The following STAB2 variants were observed in gnomAD, a reference collection of about 807,000 sequenced individuals.
STAB2 encodes the protein stabilin 2.
STAB2 carries 288 observed loss-of-function variants against 338.1 expected under a neutral mutation model. That is an observed-to-expected ratio of 0.85 (90% CI 0.77 to 0.94). The LOEUF is 0.94. STAB2 is among the 40% of genes least tolerant of loss of function. The pLI, the probability that STAB2 is intolerant of heterozygous loss-of-function variation, is 0.00. For missense variants in STAB2, 3,141 were observed against 3,210.1 expected, an observed-to-expected ratio of 0.98 and a Z score of 0.52; for synonymous variants, 1,202 against 1,193.3, an observed-to-expected ratio of 1.01 and a Z score of -0.15.
intron 6 of STAB2, among the ~76,000 whole-genome samples, chr12:103,636,109 C>T (rs1957540989): frequency 6.6e-6 from 1 of 151,742 alleles, no homozygotes; most frequent in African/African-American, 2.4e-5. Flanking sequence ...AGGTTTGTTA[C>T]ATCTGTATAC....
intron 54 of STAB2, 40 bp downstream of exon 54, chr12:103,739,508 G>T: frequency 1.3e-6 from 2 of 1,500,450 alleles, no homozygotes; most frequent in South Asian, 1.3e-5. Flanking sequence ...AGAGCCATAG[G>T]TCTGTTTCAT....
chr12:103,613,029 C>T (rs1390547582), intron 3 of STAB2, among the ~76,000 whole-genome samples: 2 of 152,160 alleles, frequency 1.3e-5, no homozygotes, highest in Non-Finnish European at 2.9e-5. Context: ...AATGTTGCTG[C>T]CTGATTGTTC....
chr12:103,751,899 T>G (rs1258089197), intron 60 of STAB2, among the ~76,000 whole-genome samples: 1 of 152,142 alleles, frequency 6.6e-6, no homozygotes, highest in Non-Finnish European at 1.5e-5. Flanking sequence ...AGCTGTGTGG[T>G]TACCATTAGC....
chr12:103,739,463 C>T lies in STAB2; in HGVS notation c.5749C>T (p.Pro1917Ser), dbSNP rs763295721. Reference protein sequence around the residue: ...NTPSCPRWSKPKGVKQKCLYN... With the variant: ...NTPSCPRWSKSKGVKQKCLYN... ...TCCCAGCTGCCCAAGGTGGAGTAAA[C>T]CAAAGGTAATTAAGACTGCAGTGAT... Residue 1917 changes from proline (P) to serine (S), a missense_variant, in exon 54 of 69, where the codon CCA becomes TCA. Transcript: ENST00000388887. 16 of 1,586,480 alleles carry T rather than the reference C, an allele frequency of 1.0e-5. No homozygotes were observed. Among genetic ancestry groups the T allele is most frequent in the African/African-American group, 1.4e-5 (1 of 73,254 alleles).
intron 18 of STAB2, among the ~76,000 whole-genome samples, chr12:103,663,433 G>A (rs1055505795): frequency 2.0e-5 from 3 of 152,118 alleles, no homozygotes; most frequent in Non-Finnish European, 4.4e-5. Flanking sequence ...GGCATTCCGT[G>A]GCTTGTAGCT....
At chr12:103,701,977 TAC>T (rs71097990) in intron 34 of STAB2, among the ~76,000 whole-genome samples, 24,870 of 143,258 alleles carry the variant, frequency 0.17, 2,170 homozygotes, top group African/African-American at 0.24. Context: ...TCAGCCCTGC[TAC>T]ACACACACAC....
intron 30 of STAB2, 55 bp downstream of exon 30, chr12:103,690,593 T>C (rs1251321328): frequency 6.7e-7 from 1 of 1,491,662 alleles, no homozygotes; most frequent in African/African-American, 1.4e-5. Flanking sequence ...TTGTTTATAT[T>C]GTACTTTTTA....
At chr12:103,676,058 C>CTTTTTTT (rs35874368) in intron 24 of STAB2, 37 bp downstream of exon 24, 60 of 669,356 alleles carry the variant, frequency 9.0e-5, no homozygotes, top group South Asian at 4.0e-4. Flanking sequence ...TGCCTGGTTT[C>CTTTTTTT]TTTTTTTTTT....
intron 8 of STAB2, 35 bp from the exon 9 acceptor site, chr12:103,640,088 G>T (rs769417312): frequency 1.3e-6 from 2 of 1,574,536 alleles, no homozygotes; most frequent in East Asian, 4.5e-5. Context: ...AACTAACTAG[G>T]ATCCTATTTG....
At position 103,727,318 on chromosome 12, in the gene STAB2, C is replaced by T. The variant is rs1881289548; in HGVS notation, c.4903C>T (p.Pro1635Ser). The change falls in exon 47 of 69, where the codon CCT becomes TCT. Residue 1635 changes from proline to serine, a missense_variant. By Grantham distance (74) the Pro-to-Ser change is moderately conservative (BLOSUM62 -1). Coordinates refer to ENST00000388887, the MANE Select transcript of STAB2 (RefSeq NM_017564.10). ...VGPGPFTVFA[P>S]LSAAFDEEAR... ...CCCAGGCCCCTTCACTGTTTTTGCACCTTTATCTGCAGCCTTTGATGAGGA... is the reference window on the plus strand; with the variant it reads ...CCCAGGCCCCTTCACTGTTTTTGCATCTTTATCTGCAGCCTTTGATGAGGA... 2 of 1,614,242 alleles carry T rather than the reference C, an allele frequency of 1.2e-6. No individual in the cohort carries two copies. Among genetic ancestry groups the T allele is most frequent in the Non-Finnish European group, 1.7e-6 (2 of 1,180,024 alleles).
intron 12 of STAB2, 109 bp downstream of exon 12, chr12:103,652,814 T>C (rs754949558): frequency 7.0e-5 from 89 of 1,276,170 alleles, no homozygotes; most frequent in South Asian, 2.1e-4. Context: ...ACAAGGAAAT[T>C]CTTTCCTCAT....
intron 61 of STAB2, 130 bp downstream of exon 61, chr12:103,753,483 G>C: frequency 8.1e-7 from 1 of 1,240,142 alleles, no homozygotes; most frequent in Non-Finnish European, 1.1e-6. Context: ...CTGGAACAAT[G>C]CTAACAGTCA....
chr12:103,661,216 A>G (rs703634), intron 17 of STAB2, among the ~76,000 whole-genome samples: 34 of 58,012 alleles, frequency 5.9e-4, no homozygotes, highest in African/African-American at 2.0e-3. Flanking sequence ...AGAGTTCCAG[A>G]CAAAAAAAAA....
At chr12:103,598,803 A>G (rs1956913957) in intron 3 of STAB2, among the ~76,000 whole-genome samples, 1 of 152,212 alleles carries the variant, frequency 6.6e-6, no homozygotes, top group African/African-American at 2.4e-5. Flanking sequence ...TCAAGCATTT[A>G]TTAAGCACCT....
chr12:103,745,634 T>A (rs1423355405), intron 57 of STAB2, among the ~76,000 whole-genome samples: 1 of 152,098 alleles, frequency 6.6e-6, no homozygotes, highest in Non-Finnish European at 1.5e-5. Context: ...GGAAATCACT[T>A]TGAAGGCCCG....
chr12:103,721,447 C>T (rs947668303), intron 44 of STAB2, among the ~76,000 whole-genome samples: 2 of 152,190 alleles, frequency 1.3e-5, no homozygotes, highest in African/African-American at 4.8e-5. Context: ...GCCAGATCAC[C>T]TTACCCCATG....
intron 59 of STAB2, 73 bp downstream of exon 59, chr12:103,749,229 C>T (rs1349681667): frequency 6.9e-7 from 1 of 1,450,554 alleles, no homozygotes; most frequent in African/African-American, 1.4e-5. Flanking sequence ...TTCCACCTCC[C>T]ATACTCTGCT....
intron 27 of STAB2, among the ~76,000 whole-genome samples, chr12:103,685,631 C>T (rs1328614884): frequency 1.3e-5 from 2 of 152,078 alleles, no homozygotes; most frequent in Admixed American, 1.3e-4. Flanking sequence ...CAAAACTTGC[C>T]CAACACCCTT....
intron 38 of STAB2, among the ~76,000 whole-genome samples, chr12:103,707,277 A>T (rs1438271927): frequency 6.6e-6 from 1 of 152,240 alleles, no homozygotes; most frequent in Non-Finnish European, 1.5e-5. Flanking sequence ...CACACTAATC[A>T]TCACGGCTAA....
Sources: gnomAD v4.1 joint callset for allele counts (sites outside exome capture counted in the v4.1 genomes callset) on GRCh38, gnomAD v4.1.1 for gene constraint, MANE v1.5 for transcripts, NCBI Gene and HGNC (gene_info 2026-07-23, HGNC 2026-07-21) for gene names.